The following SDK1 variants were observed in gnomAD, a reference collection of about 807,000 sequenced individuals.
SDK1 encodes sidekick cell adhesion molecule 1, also known as protein sidekick-1.
A neutral mutation model predicts 245.5 loss-of-function variants in SDK1; 157 were observed. The observed-to-expected ratio is 0.64, with a 90% confidence interval of 0.56 to 0.73. SDK1 has a LOEUF of 0.73. Among genes scored for constraint, SDK1 ranks in the 30% least tolerant of loss-of-function variants. The pLI is 0.00. For synonymous variants in SDK1, 1,647 were observed against 1,278.5 expected (o/e 1.29, Z -6.15); for missense variants, 3,583 against 3,002.3 (o/e 1.19, Z -4.52).
rs747322748 is a variant in SDK1 at position 4,113,247 on chromosome 7, C to A, written c.3435-42C>A. On this transcript the variant is annotated intron_variant, in intron 23 of 44. Coordinates refer to ENST00000404826, the MANE Select transcript of SDK1 (RefSeq NM_152744.4). ...TGTGGTTTCGTTCTTTTCCTTCTTA[C>A]CTTTGCTTTGCCGTGACTCTCATCA... The A allele has an allele frequency of 6.9e-6, 11 of 1,595,646 alleles. No homozygotes were observed. The African/African-American group carries it at 1.3e-4, about 20-fold the overall frequency.
intron 4 of SDK1, among the ~76,000 whole-genome samples, chr7:3,664,785 C>T (rs896791578): frequency 1.5e-4 from 23 of 151,628 alleles, no homozygotes; most frequent in African/African-American, 5.6e-4. Context: ...TCTGATAGAG[C>T]TTTTGGTCTG....
At chr7:3,434,603 T>C (rs575067047) in intron 1 of SDK1, among the ~76,000 whole-genome samples, 1 of 152,328 alleles carries the variant, frequency 6.6e-6, no homozygotes, top group South Asian at 2.1e-4. Context: ...AGATGTTAAG[T>C]AGCTCACCTA....
At chr7:3,483,442 C>G (rs1354009956) in intron 1 of SDK1, among the ~76,000 whole-genome samples, 4 of 152,036 alleles carry the variant, frequency 2.6e-5, no homozygotes, top group Non-Finnish European at 4.4e-5. Flanking sequence ...TTGCGCTTGC[C>G]AAAATCCCTT....
intron 14 of SDK1, among the ~76,000 whole-genome samples, chr7:3,988,645 TATCTC>T (rs1784058532): frequency 6.6e-6 from 1 of 152,248 alleles, no homozygotes; most frequent in East Asian, 1.9e-4. Context: ...ATGGGCCAAA[TATCTC>T]ATCTCATGGC....
chr7:4,175,195 T>C (rs781287298), intron 33 of SDK1, among the ~76,000 whole-genome samples: 9 of 152,126 alleles, frequency 5.9e-5, no homozygotes, highest in Non-Finnish European at 8.8e-5. Flanking sequence ...AGGCATGATG[T>C]TGATGAATGT....
intron 5 of SDK1, among the ~76,000 whole-genome samples, chr7:3,885,484 G>A (rs1014552717): frequency 2.0e-5 from 3 of 152,084 alleles, no homozygotes; most frequent in African/African-American, 4.8e-5. Flanking sequence ...TTCGGTACAC[G>A]TGTCACTTAC....
At chr7:4,004,741 A>G (rs1380821798) in intron 14 of SDK1, among the ~76,000 whole-genome samples, 7 of 152,204 alleles carry the variant, frequency 4.6e-5, no homozygotes, top group Non-Finnish European at 1.0e-4. Context: ...TAAGCAGTTC[A>G]AAAAGTTGAT....
At chr7:4,117,262 G>C (rs769749709) in intron 25 of SDK1, among the ~76,000 whole-genome samples, 6 of 152,146 alleles carry the variant, frequency 3.9e-5, no homozygotes, top group Non-Finnish European at 8.8e-5. Flanking sequence ...GAGTCCAGGA[G>C]TTCAAGACCA....
rs946147942 is a variant in SDK1 at position 3,967,489 on chromosome 7, G to A, written c.1546+55G>A. On this transcript the variant is annotated intron_variant, in intron 10 of 44. Transcript: ENST00000404826. The stretch of plus-strand genomic sequence containing the variant: ...TGGCCCATGTAGAACATAACCTATC[G>A]GGCCAGTGCTTGCTTCTTATTCACT... The A allele has an allele frequency of 7.6e-5, 80 of 1,057,622 alleles. 1 individual carries two copies. Among genetic ancestry groups the A allele is most frequent in the East Asian group, 2.6e-4 (11 of 41,980 alleles). The allele number at this position is 1,057,622 out of a possible 1,614,324, so 65.5% of individuals were successfully genotyped here.
In SDK1 at chr7:3,696,977, G is replaced by A. The variant is rs73672149; in HGVS notation, c.713+54872G>A. Among the ~76,000 whole-genome samples the A allele has an allele frequency of 5.3e-3, 810 of 151,828 alleles. 6 individuals are homozygous for A. Among genetic ancestry groups the A allele is most frequent in the African/African-American group, 0.019 (777 of 41,444 alleles). On this transcript the variant is annotated intron_variant, in intron 4 of 44. Coordinates refer to ENST00000404826, the MANE Select transcript of SDK1 (RefSeq NM_152744.4). ...CATCTTGTTTATGGAATGGTAGTGCGAAATAGAACTTGTATTTTAGAAATG... is the reference window on the plus strand; with the variant it reads ...CATCTTGTTTATGGAATGGTAGTGCAAAATAGAACTTGTATTTTAGAAATG...
intron 1 of SDK1, among the ~76,000 whole-genome samples, chr7:3,350,935 G>T (rs1454459788): frequency 6.6e-6 from 1 of 152,176 alleles, no homozygotes; most frequent in African/African-American, 2.4e-5. Flanking sequence ...GGGTATTAAA[G>T]GAGAATTATG....
chr7:3,477,493 A>C (rs576852740), intron 1 of SDK1, among the ~76,000 whole-genome samples: 199 of 147,180 alleles, frequency 1.4e-3, no homozygotes, highest in African/African-American at 4.8e-3. Context: ...TGCTCGGCCT[A>C]TGGTTTTGTT....
chr7:3,923,278 T>G (rs1178338127), intron 5 of SDK1, among the ~76,000 whole-genome samples: 1 of 145,108 alleles, frequency 6.9e-6, no homozygotes, highest in African/African-American at 2.6e-5. Flanking sequence ...ATTATGGACT[T>G]TTTTTTTTAT....
chr7:3,440,901 G>C lies in SDK1; in HGVS notation c.298+139017G>C, dbSNP rs1320990883. On this transcript the variant is annotated intron_variant, in intron 1 of 44. Coordinates refer to ENST00000404826, the MANE Select transcript of SDK1 (RefSeq NM_152744.4). ...AAAAGATGTTCCAATTGACAGCAAT[G>C]TGTTGTGCCAGAATCATTCAGCCTA... 2.0e-5 allele frequency among the ~76,000 whole-genome samples: 3 copies of C among 152,184 alleles called. No homozygotes were observed. In the East Asian group the frequency reaches 5.8e-4, roughly 29 times the overall value.
At chr7:4,009,395 G>C (rs922981227) in intron 14 of SDK1, among the ~76,000 whole-genome samples, 3 of 152,212 alleles carry the variant, frequency 2.0e-5, no homozygotes, top group Non-Finnish European at 4.4e-5. Context: ...AAGGGAGACT[G>C]CTTAGCAAAC....
intron 1 of SDK1, among the ~76,000 whole-genome samples, chr7:3,560,541 C>T (rs992075180): frequency 6.6e-5 from 10 of 152,150 alleles, no homozygotes; most frequent in African/African-American, 2.2e-4. Flanking sequence ...CAATCTGCCG[C>T]CATTGTCTCT....
intron 4 of SDK1, among the ~76,000 whole-genome samples, chr7:3,657,624 G>T (rs1218273733): frequency 6.6e-6 from 1 of 151,536 alleles, no homozygotes. Context: ...TGTGAAATGG[G>T]GTCAAGCCAT....
intron 4 of SDK1, among the ~76,000 whole-genome samples, chr7:3,672,373 G>T (rs10262231): frequency 1.3e-5 from 2 of 151,224 alleles, no homozygotes; most frequent in Non-Finnish European, 1.5e-5. Flanking sequence ...GTTTCTTGCC[G>T]TTACTGGAGG....
intron 1 of SDK1, among the ~76,000 whole-genome samples, chr7:3,578,741 C>A (rs1780387359): frequency 6.6e-6 from 1 of 151,888 alleles, no homozygotes; most frequent in Non-Finnish European, 1.5e-5. Context: ...ACAAATACGG[C>A]TCTTTTTGCC....
Sources: allele counts gnomAD v4.1 joint callset (sites outside exome capture counted in the v4.1 genomes callset), GRCh38; gene constraint gnomAD v4.1.1; transcripts MANE v1.5; gene names NCBI Gene and HGNC (gene_info 2026-07-23, HGNC 2026-07-21).